Variants in OSBPL10 observed in about 807,000 individuals in gnomAD.
The protein encoded by OSBPL10 is oxysterol-binding protein-related protein 10.
OSBPL10 carries 49 observed loss-of-function variants against 81.7 expected under a neutral mutation model. The ratio of observed to expected loss-of-function variants is 0.60; its 90% CI spans 0.48 to 0.76. OSBPL10 has a LOEUF of 0.76. OSBPL10 is among the 30% of genes least tolerant of loss of function. OSBPL10 has a pLI of 0.00. For missense variants in OSBPL10, 923 were observed against 987.8 expected (o/e 0.93, Z 0.88); for synonymous variants, 419 against 383.6 (o/e 1.09, Z -1.08).
At chr3:31,949,655 A>AAG (rs1178799066) in intron 1 of OSBPL10, among the ~76,000 whole-genome samples, 1 of 123,838 alleles carries the variant, frequency 8.1e-6, no homozygotes, top group African/African-American at 3.1e-5. Flanking sequence ...GCAACAGAGC[A>AAG]AGACTCTGTC....
intron 3 of OSBPL10, among the ~76,000 whole-genome samples, chr3:31,867,527 A>C (rs1249751410): frequency 2.0e-5 from 3 of 152,116 alleles, no homozygotes; most frequent in African/African-American, 7.2e-5. Context: ...GGATCACTTG[A>C]GGTCGGAAGT....
chr3:31,691,902 T>C (rs943079403), intron 7 of OSBPL10, among the ~76,000 whole-genome samples: 1 of 152,096 alleles, frequency 6.6e-6, no homozygotes, highest in Non-Finnish European at 1.5e-5. Flanking sequence ...AAAAATCCAA[T>C]TTTACAAAAT....
intron 1 of OSBPL10, among the ~76,000 whole-genome samples, chr3:32,054,471 T>A (rs569646516): frequency 6.6e-6 from 1 of 150,634 alleles, no homozygotes; most frequent in African/African-American, 2.4e-5. Flanking sequence ...GTTATATTAT[T>A]ACATAAAATT....
intron 9 of OSBPL10, among the ~76,000 whole-genome samples, chr3:31,670,477 T>C (rs1033237680): frequency 6.6e-6 from 1 of 152,154 alleles, no homozygotes; most frequent in Admixed American, 6.5e-5. Context: ...TCTGGGTTCA[T>C]AGATTCAATC....
chr3:31,708,634 G>C, intron 6 of OSBPL10: 1 of 812,904 alleles, frequency 1.2e-6, no homozygotes, highest in Non-Finnish European at 1.5e-6. Context: ...CTACATGCTT[G>C]GAAAAAGTAT....
At chr3:31,830,540 T>C (rs1375295932) in intron 3 of OSBPL10, among the ~76,000 whole-genome samples, 3 of 152,158 alleles carry the variant, frequency 2.0e-5, no homozygotes, top group South Asian at 2.1e-4. Flanking sequence ...CATGGAGCTC[T>C]GCCTCTCTAC....
chr3:31,707,426 A>G (rs1023896878), intron 6 of OSBPL10: 2 of 152,216 alleles, frequency 1.3e-5, no homozygotes, highest in African/African-American at 4.8e-5. Context: ...ATGAACATCA[A>G]ATTCTCTTTT....
chr3:31,777,665 A>T (rs1436985532), intron 4 of OSBPL10, among the ~76,000 whole-genome samples: 1 of 152,230 alleles, frequency 6.6e-6, no homozygotes, highest in Non-Finnish European at 1.5e-5. Context: ...AGGCCACTGC[A>T]AATTCCACAA....
intron 8 of OSBPL10, among the ~76,000 whole-genome samples, chr3:31,683,268 G>A (rs1001296082): frequency 2.6e-5 from 4 of 152,154 alleles, no homozygotes; most frequent in Non-Finnish European, 2.9e-5. Flanking sequence ...CCAGAACACC[G>A]GTGAGAATGA....
At chr3:31,951,419 G>T (rs1479421180) in intron 1 of OSBPL10, among the ~76,000 whole-genome samples, 5 of 151,924 alleles carry the variant, frequency 3.3e-5, no homozygotes, top group African/African-American at 7.2e-5. Flanking sequence ...AAAGGTGAAG[G>T]AATGATGAAC....
intron 1 of OSBPL10, among the ~76,000 whole-genome samples, chr3:31,943,530 C>T (rs768525404): frequency 5.9e-5 from 9 of 152,154 alleles, no homozygotes; most frequent in Non-Finnish European, 8.8e-5. Context: ...GAGAAAGTCG[C>T]TGTTAATATT....
intron 1 of OSBPL10, among the ~76,000 whole-genome samples, chr3:31,947,433 G>A (rs116756170): frequency 0.011 from 1,615 of 152,264 alleles, 15 homozygotes; most frequent in Non-Finnish European, 0.017. Context: ...TCACAAAGGC[G>A]GAAGCATGCT....
At chr3:31,894,361 A>C (rs1475010098) in intron 1 of OSBPL10, among the ~76,000 whole-genome samples, 2 of 152,228 alleles carry the variant, frequency 1.3e-5, no homozygotes, top group Non-Finnish European at 2.9e-5. Flanking sequence ...TTCTAACATT[A>C]AACAGGGAAA....
intron 4 of OSBPL10, among the ~76,000 whole-genome samples, chr3:31,768,539 TG>T (rs1367246392): frequency 1.1e-5 from 1 of 89,250 alleles, no homozygotes; most frequent in African/African-American, 5.3e-5. Context: ...ATTTCCCAGA[TG>T]TAAAATAAAC....
chr3:31,918,868 C>T (rs1696831260), intron 1 of OSBPL10, among the ~76,000 whole-genome samples: 2 of 152,194 alleles, frequency 1.3e-5, no homozygotes, highest in Admixed American at 6.5e-5. Flanking sequence ...TGATGGAAAA[C>T]ATTTGCACAA....
rs1697596240 is a variant in OSBPL10, at chr3:31,943,526, G to T, written c.281+37373C>A. Among the ~76,000 whole-genome samples the T allele has an allele frequency of 2.6e-5, 4 of 152,108 alleles. No individual in the cohort carries two copies. In the South Asian group the frequency reaches 8.3e-4, roughly 32 times the overall value. On this transcript the variant is annotated intron_variant, in intron 1 of 11. Transcript: ENST00000396556. ...AAAATAATTACACCACCCAGAGAAA[G>T]TCGCTGTTAATATTTCAGAATATTC...
chr3:31,921,372 T>G (rs28608485), intron 1 of OSBPL10, among the ~76,000 whole-genome samples: 1,966 of 152,212 alleles, frequency 0.013, 53 homozygotes, highest in African/African-American at 0.041. Context: ...AAATGGCTGA[T>G]TCTAAGACTG....
At chr3:31,833,693 GCACACGCACACGCACACACACACACA>G (rs1385518476) in intron 3 of OSBPL10, among the ~76,000 whole-genome samples, 1 of 132,876 alleles carries the variant, frequency 7.5e-6, no homozygotes, top group Non-Finnish European at 1.6e-5. Context: ...GGGAAAACAC[GCACACGCACACGCACACACACACACA>G]CACACACACA....
At chr3:31,959,727 A>G (rs1698107945) in intron 1 of OSBPL10, among the ~76,000 whole-genome samples, 1 of 152,194 alleles carries the variant, frequency 6.6e-6, no homozygotes, top group Non-Finnish European at 1.5e-5. Flanking sequence ...ACTCAGCGAC[A>G]AACTCCGTGT....
Sources: allele counts gnomAD v4.1 joint callset (sites outside exome capture counted in the v4.1 genomes callset), GRCh38; gene constraint gnomAD v4.1.1; transcripts MANE v1.5; gene names NCBI Gene and HGNC (gene_info 2026-07-23, HGNC 2026-07-21).